Variants in PPT2 observed in about 807,000 individuals in gnomAD.
The protein encoded by PPT2 is palmitoyl-protein thioesterase 2, also known as lysosomal thioesterase PPT2.
In PPT2, 20 loss-of-function variants were observed where a neutral mutation model predicts 37.3. The ratio of observed to expected loss-of-function variants is 0.54; its 90% CI spans 0.38 to 0.78. The LOEUF (loss-of-function observed/expected upper bound fraction) is 0.78. PPT2 is among the 30% of genes least tolerant of loss of function. The pLI, the probability that PPT2 is intolerant of heterozygous loss-of-function variation, is 0.00. For missense variants in PPT2, 270 were observed against 389.8 expected, an observed-to-expected ratio of 0.69 and a Z score of 2.59; for synonymous variants, 135 against 159.1, an observed-to-expected ratio of 0.85 and a Z score of 1.14.
intron 7 of PPT2, among the ~76,000 whole-genome samples, chr6:32,160,090 G>A (rs1784056088): frequency 6.6e-6 from 1 of 151,542 alleles, no homozygotes; most frequent in Non-Finnish European, 1.5e-5. Flanking sequence ...GGTCGCCCAG[G>A]CTGGAGTGCA....
In PPT2 at chr6:32,154,723, T is replaced by C; in HGVS notation, c.129T>C (p.His43=). 3.1e-6 allele frequency: 5 copies of C among 1,613,176 alleles called. No individual in the cohort carries two copies. The highest frequency in any genetic ancestry group is 3.4e-6 in the Non-Finnish European group (4 of 1,180,004). The change falls in exon 2 of 9, where the codon CAT becomes CAC. Residue 43 remains histidine (H), a synonymous_variant. Coordinates refer to ENST00000324816, the MANE Select transcript of PPT2 (RefSeq NM_005155.7). This position sits in a 1 kb window ranked among gnomAD's most constrained non-coding sequence, Gnocchi z 7.3. The part of the protein sequence containing the change: ...RASYKPVIVV[H]GLFDSSYSFR... ...CCTACAAGCCGGTCATCGTGGTGCA[T>C]GGGCTCTTCGACAGCTCGTACAGCT... is the stretch of plus-strand genomic sequence containing the variant.
At chr6:32,157,809 T>A in intron 6 of PPT2, 31 bp from the exon 7 acceptor site, 1 of 1,601,260 alleles carries the variant, frequency 6.2e-7, no homozygotes, top group African/African-American at 1.3e-5. Context: ...CCCCTGTGGC[T>A]GACTCAGCCT....
chr6:32,159,451 A>AAATAT (rs1290087556), intron 7 of PPT2, among the ~76,000 whole-genome samples: 17 of 115,122 alleles, frequency 1.5e-4, no homozygotes, highest in African/African-American at 4.2e-4. Context: ...AAAAAAAAAA[A>AAATAT]ATATATATAT....
rs1191344461 is a variant in PPT2 at position 32,154,874 on chromosome 6, C to T, written c.183+97C>T. ...TGAAAGCCACCCCTCTGGGCCTGCC[C>T]AGTTCCTCAGGGAGCTGGTGCTGGC... On this transcript the variant is annotated intron_variant, in intron 2 of 8. Transcript: ENST00000324816. The surrounding 1 kb of genome is among the most constrained non-coding windows in gnomAD (Gnocchi z 7.3). The T allele has an allele frequency of 1.3e-6, 2 of 1,530,276 alleles. No homozygotes were observed. Among genetic ancestry groups the T allele is most frequent in the Non-Finnish European group, 1.8e-6 (2 of 1,126,364 alleles). The allele number at this position is 1,530,276 out of a possible 1,614,324, so 94.8% of individuals were successfully genotyped here.
chr6:32,155,578 G>A lies in PPT2; in HGVS notation c.338-110G>A. ...CTTTGTGTACAGTGTGTGTCTGTGT[G>A]TGTCTCTGTGTGTGTGTGTGTGTGT... is the stretch of plus-strand genomic sequence containing the variant. On this transcript the variant is annotated intron_variant, in intron 3 of 8. Coordinates refer to ENST00000324816, the MANE Select transcript of PPT2 (RefSeq NM_005155.7). This position sits in a 1 kb window ranked among gnomAD's most constrained non-coding sequence, Gnocchi z 4.3. 1.2e-6 allele frequency: 1 copy of A among 845,498 alleles called. No individual in the cohort carries two copies. Among genetic ancestry groups the A allele is most frequent in the Admixed American group, 1.9e-5 (1 of 53,034 alleles). The allele number at this position is 845,498 out of a possible 1,614,324, so 52.4% of individuals were successfully genotyped here.
chr6:32,155,375 C>T lies in PPT2; in HGVS notation c.337+192C>T, dbSNP rs1366910974. On this transcript the variant is annotated intron_variant, in intron 3 of 8. Transcript: ENST00000324816. This position sits in a 1 kb window ranked among gnomAD's most constrained non-coding sequence, Gnocchi z 4.3. ...TCTTGAATGGGAGGGAGGCTCCCTA[C>T]ACTGCTGCCCTTTTGCTTCCTGTTA... 1.3e-5 allele frequency among the ~76,000 whole-genome samples: 2 copies of T among 152,172 alleles called. No individual in the cohort carries two copies. The highest frequency in any genetic ancestry group is 2.9e-5 in the Non-Finnish European group (2 of 68,024).
In PPT2 at chr6:32,157,917, C is replaced by A. The variant is rs556550910; in HGVS notation, c.703C>A (p.Gln235Lys). ...GPDDGVITPW[Q>K]SSFFGFYDAN... is the part of the protein sequence containing the mutation. ...TGATGATGGTGTTATTACTCCCTGG[C>A]AGTCCAGGTAATAAGGGATTTTGTG... Residue 235 changes from glutamine (Q) to lysine (K), a missense_variant, in exon 7 of 9, where the codon CAG (glutamine) becomes AAG (lysine). Coordinates refer to ENST00000324816, the MANE Select transcript of PPT2 (RefSeq NM_005155.7). The A allele has an allele frequency of 6.2e-7, 1 of 1,609,372 alleles. No homozygotes were observed. Among genetic ancestry groups the A allele is most frequent in the Non-Finnish European group, 8.5e-7 (1 of 1,176,978 alleles).
Position 32,155,311 on chromosome 6 carries a change from TC to T in PPT2, c.337+130del, listed in dbSNP as rs1783692087. On this transcript the variant is annotated intron_variant, in intron 3 of 8. Transcript: ENST00000324816. The surrounding 1 kb of genome is among the most constrained non-coding windows in gnomAD (Gnocchi z 4.3). ...GGCACAACCCTGGTACCTGAGCCCT[TC>T]CTTTCTGACTTCCCTCAGCACCTGG... 2.6e-6 allele frequency: 3 copies of T among 1,135,652 alleles called. No homozygotes were observed. Among genetic ancestry groups the T allele is most frequent in the Non-Finnish European group, 3.7e-6 (3 of 800,106 alleles). The allele number at this position is 1,135,652 out of a possible 1,614,324, so 70.3% of individuals were successfully genotyped here.
Position 32,154,690 on chromosome 6 carries a change from C to T in PPT2, c.96C>T (p.His32=), listed in dbSNP as rs753945236. The stretch of plus-strand genomic sequence containing the variant: ...TGCTGCTTGCAGCCCCCGCGCCCCA[C>T]CGCGCGTCCTACAAGCCGGTCATCG... ...PLLLLAAPAP[H]RASYKPVIVV... Residue 32 remains histidine (H), a synonymous_variant, in exon 2 of 9, where the codon CAC becomes CAT. Coordinates refer to ENST00000324816, the MANE Select transcript of PPT2 (RefSeq NM_005155.7). This position sits in a 1 kb window ranked among gnomAD's most constrained non-coding sequence, Gnocchi z 7.3. 1 of 1,613,086 alleles carries T rather than the reference C, an allele frequency of 6.2e-7. No individual in the cohort carries two copies. The highest frequency in any genetic ancestry group is 8.5e-7 in the Non-Finnish European group (1 of 1,180,010).
chr6:32,155,118 G>C lies in PPT2; in HGVS notation c.272G>C (p.Arg91Pro). 6.2e-7 allele frequency: 1 copy of C among 1,613,144 alleles called. No homozygotes were observed. The highest frequency in any genetic ancestry group is 8.5e-7 in the Non-Finnish European group (1 of 1,180,012). The stretch of plus-strand genomic sequence containing the variant: ...CTGTGGGAACAGGTGCAAGGGTTCC[G>C]AGAGGCTGTGGTCCCCATCATGGCA... ...RPLWEQVQGF[R>P]EAVVPIMAKA... Residue 91 changes from arginine to proline, a missense_variant, in exon 3 of 9, where the codon CGA (arginine) becomes CCA (proline). Coordinates refer to ENST00000324816, the MANE Select transcript of PPT2 (RefSeq NM_005155.7). The surrounding 1 kb of genome is among the most constrained non-coding windows in gnomAD (Gnocchi z 4.3).
Position 32,154,929 on chromosome 6 carries a change from G to T in PPT2, c.184-101G>T. 1.3e-6 allele frequency: 2 copies of T among 1,554,782 alleles called. No individual in the cohort carries two copies. Among genetic ancestry groups the T allele is most frequent in the South Asian group, 2.3e-5 (2 of 87,014 alleles). ...GGGAGAGTTGGGGGACGGGATCCCT[G>T]GTTCTAGCAGGGTACAATAGACCTG... is the stretch of plus-strand genomic sequence containing the variant. On this transcript the variant is annotated intron_variant, in intron 2 of 8. Coordinates refer to ENST00000324816, the MANE Select transcript of PPT2 (RefSeq NM_005155.7). This position sits in a 1 kb window ranked among gnomAD's most constrained non-coding sequence, Gnocchi z 7.3.
At chr6:32,153,862 A>G, upstream of PPT2, 1 of 1,091,368 alleles carries the variant, frequency 9.2e-7, no homozygotes, top group Non-Finnish European at 1.3e-6. This position sits in a 1 kb window ranked among gnomAD's most constrained non-coding sequence, Gnocchi z 4.4. Context: ...GGGAGAATCA[A>G]GGCGGGGAAA....
chr6:32,154,498 G>T lies in PPT2; in HGVS notation c.-8-89G>T, dbSNP rs964642529. ...TGTGACACGGACCTGGTGTGGGAGC[G>T]AGAGGAGGTGGCTTGATTGCCGGGC... On this transcript the variant is annotated intron_variant, in intron 1 of 8. Transcript: ENST00000324816. The surrounding 1 kb of genome is among the most constrained non-coding windows in gnomAD (Gnocchi z 7.3). The T allele has an allele frequency of 2.6e-5, 40 of 1,524,008 alleles. No individual in the cohort carries two copies. Among genetic ancestry groups the T allele is most frequent in the Middle Eastern group, 2.5e-4 (1 of 4,058 alleles). 94.4% of individuals were successfully genotyped at this position (1,524,008 alleles called of 1,614,324 possible). A position where few individuals can be genotyped will look rare whatever the true frequency, so the allele number is the denominator to read the frequency against.
rs775513912 is a variant in PPT2 at position 32,162,965 on chromosome 6, G to A, written c.*15G>A. 2.5e-6 allele frequency: 4 copies of A among 1,605,170 alleles called. No individual in the cohort carries two copies. The highest frequency in any genetic ancestry group is 2.2e-5 in the East Asian group (1 of 44,840). Reference sequence around the variant, plus strand: ...GGCTCTCCTGAGGATATATTCAGGGGTCCCCAGGAACTCCTCGGTCCAGAG... The same window carrying A: ...GGCTCTCCTGAGGATATATTCAGGGATCCCCAGGAACTCCTCGGTCCAGAG... On this transcript the variant is annotated 3_prime_UTR_variant, in exon 9 of 9. Coordinates refer to ENST00000324816, the MANE Select transcript of PPT2 (RefSeq NM_005155.7). This position sits in a 1 kb window ranked among gnomAD's most constrained non-coding sequence, Gnocchi z 5.5.
chr6:32,162,536 T>C lies in PPT2; in HGVS notation c.711-32T>C. 1.3e-6 allele frequency: 2 copies of C among 1,582,642 alleles called. No individual in the cohort carries two copies. On this transcript the variant is annotated intron_variant, in intron 7 of 8. Transcript: ENST00000324816. The surrounding 1 kb of genome is among the most constrained non-coding windows in gnomAD (Gnocchi z 5.5). The stretch of plus-strand genomic sequence containing the variant: ...CGCCCGGCCAGATTTTCTCCAGCTC[T>C]TCTGATAACCTCCCCCCAAATCTCT...
intron 7 of PPT2, among the ~76,000 whole-genome samples, chr6:32,158,831 C>T (rs1271378767): frequency 6.6e-6 from 1 of 151,996 alleles, no homozygotes; most frequent in East Asian, 1.9e-4. Context: ...TGCAGAGGCC[C>T]TGAAGCACGT....
Position 32,162,853 on chromosome 6 carries a change from G to C in PPT2, c.812G>C (p.Gly271Ala). The change falls in exon 9 of 9, where the codon GGG becomes GCG. Residue 271 changes from glycine to alanine, a missense_variant. Transcript: ENST00000324816. The surrounding 1 kb of genome is among the most constrained non-coding windows in gnomAD (Gnocchi z 5.5). Reference sequence around the variant, plus strand: ...GGGTTGAAGACTCTATTGGCCCGGGGGGCCATAGTGAGGTGTCCAATGGCC... The same window carrying C: ...GGGTTGAAGACTCTATTGGCCCGGGCGGCCATAGTGAGGTGTCCAATGGCC... The part of the protein sequence containing the change: ...SFGLKTLLAR[G>A]AIVRCPMAGI... The C allele has an allele frequency of 6.2e-7, 1 of 1,613,840 alleles. No individual in the cohort carries two copies. Among genetic ancestry groups the C allele is most frequent in the Non-Finnish European group, 8.5e-7 (1 of 1,179,766 alleles).
Position 32,154,695 on chromosome 6 carries a change from C to A in PPT2, c.101C>A (p.Ala34Glu), listed in dbSNP as rs3096696. The change falls in exon 2 of 9, where the codon GCG becomes GAG. Residue 34 changes from alanine (A) to glutamate (E), a missense_variant. By Grantham distance (107) the Ala-to-Glu change is moderately radical (BLOSUM62 -1). Coordinates refer to ENST00000324816, the MANE Select transcript of PPT2 (RefSeq NM_005155.7). The surrounding 1 kb of genome is among the most constrained non-coding windows in gnomAD (Gnocchi z 7.3). ...LLLAAPAPHR[A>E]SYKPVIVVHG... ...CTTGCAGCCCCCGCGCCCCACCGCG[C>A]GTCCTACAAGCCGGTCATCGTGGTG... 0.2 allele frequency: 325,436 copies of A among 1,612,768 alleles called. 35,723 individuals are homozygous for A. Among genetic ancestry groups the A allele is most frequent in the Non-Finnish European group, 0.22 (264,798 of 1,179,832 alleles).
At position 32,162,909 on chromosome 6, in the gene PPT2, C is replaced by T. The variant is rs144778647; in HGVS notation, c.868C>T (p.Arg290Cys). The T allele has an allele frequency of 4.3e-5, 69 of 1,614,116 alleles. No individual in the cohort carries two copies. Among genetic ancestry groups the T allele is most frequent in the East Asian group, 3.1e-4 (14 of 44,870 alleles). Residue 290 changes from arginine to cysteine, a missense_variant, in exon 9 of 9, where the codon CGT becomes TGT. Arg to Cys is a radical substitution (Grantham distance 180). Coordinates refer to ENST00000324816, the MANE Select transcript of PPT2 (RefSeq NM_005155.7). The surrounding 1 kb of genome is among the most constrained non-coding windows in gnomAD (Gnocchi z 5.5). Reference sequence around the variant, plus strand: ...CTCCCACACAGCCTGGCACTCCAACCGTACCCTTTATGAGACCTGCATTGA... The same window carrying T: ...CTCCCACACAGCCTGGCACTCCAACTGTACCCTTTATGAGACCTGCATTGA... ...GISHTAWHSN[R>C]TLYETCIEPW...
Sources: allele counts gnomAD v4.1 joint callset (sites outside exome capture counted in the v4.1 genomes callset), GRCh38; gene constraint gnomAD v4.1.1; non-coding constraint Gnocchi (gnomAD v3.1); transcripts MANE v1.5; gene names NCBI Gene and HGNC (gene_info 2026-07-23, HGNC 2026-07-21).